The following SLC1A6 variants were observed in gnomAD, a reference collection of about 807,000 sequenced individuals.
The protein encoded by SLC1A6 is solute carrier family 1 member 6, also known as excitatory amino acid transporter 4.
Under a neutral mutation model 42.1 loss-of-function variants are expected in SLC1A6, and 15 were observed. The observed-to-expected ratio is 0.36, with a 90% confidence interval of 0.24 to 0.55. SLC1A6 has a LOEUF of 0.55. SLC1A6 is among the 20% of genes least tolerant of loss of function. The pLI is 0.88. For missense variants in SLC1A6, 542 were observed against 772.5 expected, an observed-to-expected ratio of 0.70 and a Z score of 3.54; for synonymous variants, 317 against 319.7, an observed-to-expected ratio of 0.99 and a Z score of 0.09.
chr19:14,972,405 A>G (rs75239158), intron 2 of SLC1A6, among the ~76,000 whole-genome samples: 1 of 151,864 alleles, frequency 6.6e-6, no homozygotes, highest in Admixed American at 6.6e-5. Context: ...TATAAGTTCA[A>G]TGCACGCATA....
intron 1 of SLC1A6, among the ~76,000 whole-genome samples, chr19:14,989,757 GGT>G (rs771651081): frequency 4.0e-5 from 1 of 25,102 alleles, no homozygotes; most frequent in Non-Finnish European, 8.1e-5. Context: ...GGTGGCGGGG[GGT>G]GGGGTGTGGA....
At chr19:14,992,634 G>T (rs1164277745) in intron 1 of SLC1A6, among the ~76,000 whole-genome samples, 1 of 151,496 alleles carries the variant, frequency 6.6e-6, no homozygotes, top group Admixed American at 6.6e-5. Flanking sequence ...CTCCATCTTG[G>T]GCTACAGAGC....
At chr19:14,959,258 T>C (rs1227660393) in intron 6 of SLC1A6, among the ~76,000 whole-genome samples, 1 of 152,246 alleles carries the variant, frequency 6.6e-6, no homozygotes, top group Non-Finnish European at 1.5e-5. Flanking sequence ...TTTCCTCTGT[T>C]TTCCATTGCT....
At chr19:14,951,339 A>G (rs1345642512) in intron 9 of SLC1A6, among the ~76,000 whole-genome samples, 1 of 151,996 alleles carries the variant, frequency 6.6e-6, no homozygotes, top group East Asian at 1.9e-4. Flanking sequence ...ACTGAAAAGC[A>G]CATAGAATCC....
At chr19:15,003,807 G>A (rs1600041823) in intron 1 of SLC1A6, among the ~76,000 whole-genome samples, 2 of 152,192 alleles carry the variant, frequency 1.3e-5, no homozygotes. Flanking sequence ...TATAGAACAG[G>A]TGGCCCCAGC....
At chr19:14,963,995 CTT>C (rs34907139) in intron 5 of SLC1A6, 60 of 158,692 alleles carry the variant, frequency 3.8e-4, no homozygotes, top group South Asian at 1.0e-3. Context: ...TTTTTTTAAT[CTT>C]TTTTTTTTTT....
chr19:15,010,570 C>G, exon 1 of SLC1A6: 4 of 654,716 alleles, frequency 6.1e-6, no homozygotes, highest in Non-Finnish European at 1.1e-5. Flanking sequence ...CTGGAAGCAA[C>G]GGCGAGAAGG....
chr19:14,984,270 T>C (rs753644078), upstream of SLC1A6, among the ~76,000 whole-genome samples: 17 of 152,028 alleles, frequency 1.1e-4, no homozygotes, highest in Non-Finnish European at 1.9e-4. Context: ...CATCGCACCA[T>C]TGTGGTGAGC....
chr19:15,000,338 A>T (rs910804067), intron 1 of SLC1A6, among the ~76,000 whole-genome samples: 1 of 152,184 alleles, frequency 6.6e-6, no homozygotes, highest in Non-Finnish European at 1.5e-5. Context: ...TCTTCTAGCT[A>T]AAATTTTGTG....
At chr19:15,000,666 T>C (rs2045868144) in intron 1 of SLC1A6, among the ~76,000 whole-genome samples, 1 of 152,216 alleles carries the variant, frequency 6.6e-6, no homozygotes, top group Non-Finnish European at 1.5e-5. Context: ...GCAATAAACA[T>C]GGGGAGTGCA....
intron 1 of SLC1A6, among the ~76,000 whole-genome samples, chr19:14,999,823 A>G (rs544720802): frequency 6.6e-6 from 1 of 151,678 alleles, no homozygotes; most frequent in Non-Finnish European, 1.5e-5. Flanking sequence ...GATAGTCAAC[A>G]TTTTATTATA....
chr19:14,992,168 T>C (rs775157741), intron 1 of SLC1A6, among the ~76,000 whole-genome samples: 1 of 152,260 alleles, frequency 6.6e-6, no homozygotes, highest in Middle Eastern at 3.2e-3. Context: ...TTCAGCACTC[T>C]TACTGATTCT....
intron 1 of SLC1A6, among the ~76,000 whole-genome samples, chr19:14,985,220 G>A (rs2045787369): frequency 6.6e-6 from 1 of 152,194 alleles, no homozygotes; most frequent in Non-Finnish European, 1.5e-5. Flanking sequence ...TCCTTGAAGT[G>A]ACAGATATAT....
chr19:14,951,245 C>CT (rs2045408590), intron 9 of SLC1A6, among the ~76,000 whole-genome samples: 1 of 64,716 alleles, frequency 1.5e-5, no homozygotes, highest in Admixed American at 2.2e-4. Context: ...GAGCAAGACT[C>CT]TGTCTCACAA....
intron 1 of SLC1A6, among the ~76,000 whole-genome samples, chr19:14,991,690 C>A (rs997871849): frequency 2.0e-5 from 3 of 149,724 alleles, no homozygotes; most frequent in African/African-American, 7.3e-5. Flanking sequence ...TAAAGGAGTA[C>A]CAAAAAAACC....
At chr19:14,997,634 C>T (rs1419124109) in intron 1 of SLC1A6, among the ~76,000 whole-genome samples, 1 of 152,138 alleles carries the variant, frequency 6.6e-6, no homozygotes, top group African/African-American at 2.4e-5. Context: ...GTGCACCTAC[C>T]TGTGATAGGC....
upstream of SLC1A6, among the ~76,000 whole-genome samples, chr19:14,983,347 C>T (rs549473238): frequency 1.1e-4 from 16 of 152,118 alleles, 1 homozygote; most frequent in South Asian, 2.9e-3. Flanking sequence ...TGCTGTCTAG[C>T]GTTTCTAAGC....
intron 1 of SLC1A6, among the ~76,000 whole-genome samples, chr19:14,995,326 C>CAAAAAA (rs1173848535): frequency 1.3e-4 from 7 of 52,956 alleles, no homozygotes; most frequent in Admixed American, 5.5e-4. Context: ...ACTCCATCTC[C>CAAAAAA]AAAAAAAAAA....
In SLC1A6 at chr19:14,971,835, G is replaced by C; in HGVS notation, c.245C>G (p.Thr82Ser). 6.2e-7 allele frequency: 1 copy of C among 1,614,192 alleles called. No individual in the cohort carries two copies. The highest frequency in any genetic ancestry group is 1.1e-5 in the South Asian group (1 of 91,088). ...LAFALRPYQL[T>S]YRQIKYFSFP... ...AGAGAAGTACTTGATCTGGCGGTAG[G>C]TGAGCTGATATGGGCGCAGGGCAAA... is the stretch of plus-strand genomic sequence containing the variant. Residue 82 changes from threonine to serine, a missense_variant, in exon 3 of 10, where the codon ACC (threonine) becomes AGC (serine). By Grantham distance (58) the Thr-to-Ser change is moderately conservative (BLOSUM62 1). Transcript: ENST00000594383.
Sources: allele counts gnomAD v4.1 joint callset (sites outside exome capture counted in the v4.1 genomes callset), GRCh38; gene constraint gnomAD v4.1.1; transcripts MANE v1.5; gene names NCBI Gene and HGNC (gene_info 2026-07-23, HGNC 2026-07-21).